PCDH11X: variants seen among roughly 807,000 people sequenced by gnomAD.
PCDH11X encodes protocadherin-11 X-linked.
In PCDH11X, 18 loss-of-function variants were observed where a neutral mutation model predicts 53.3. The observed-to-expected ratio is 0.34, with a 90% confidence interval of 0.23 to 0.50. The LOEUF (loss-of-function observed/expected upper bound fraction) is 0.50. Among genes scored for constraint, PCDH11X ranks in the 20% least tolerant of loss-of-function variants. The pLI is 0.98. For missense variants in PCDH11X, 570 were observed against 1,032.4 expected (o/e 0.55, Z 6.14); for synonymous variants, 279 against 393.3 (o/e 0.71, Z 3.44).
chrX:92,350,518 CT>C (rs2070019024), intron 8 of PCDH11X, among the ~76,000 whole-genome samples: 1 of 111,562 alleles, frequency 9.0e-6, no homozygotes, highest in African/African-American at 3.3e-5. Flanking sequence ...ACCCACCCAG[CT>C]AGGAGTAGGT....
chrX:92,211,787 C>T (rs1464378691), intron 7 of PCDH11X, among the ~76,000 whole-genome samples: 6 of 111,044 alleles, frequency 5.4e-5, no homozygotes, highest in Non-Finnish European at 9.4e-5. Flanking sequence ...AGTCACACAC[C>T]GATTTGAGTT....
chrX:92,062,555 C>G (rs1409524302), intron 6 of PCDH11X, among the ~76,000 whole-genome samples: 1 of 111,599 alleles, frequency 9.0e-6, no homozygotes, highest in East Asian at 2.8e-4. Flanking sequence ...AGACACTTCT[C>G]AAAAGAAGAC....
chrX:91,825,788 GTA>G (rs1280445957), intron 4 of PCDH11X, among the ~76,000 whole-genome samples: 3 of 106,843 alleles, frequency 2.8e-5, no homozygotes. Context: ...AAAATTGTTG[GTA>G]TATATTTGGA....
chrX:92,194,301 A>T (rs961440885), intron 6 of PCDH11X, among the ~76,000 whole-genome samples: 1 of 111,860 alleles, frequency 8.9e-6, no homozygotes, highest in African/African-American at 3.2e-5. Flanking sequence ...TAATTTACTG[A>T]TATTTTCTGA....
chrX:92,226,832 A>C (rs1302713651), intron 7 of PCDH11X, among the ~76,000 whole-genome samples: 1 of 110,925 alleles, frequency 9.0e-6, no homozygotes, highest in African/African-American at 3.3e-5. Flanking sequence ...CCCAATGCTT[A>C]CAATTTTTTG....
At chrX:92,474,075 A>G (rs2148666485) in intron 10 of PCDH11X, among the ~76,000 whole-genome samples, 1 of 110,952 alleles carries the variant, frequency 9.0e-6, no homozygotes, top group East Asian at 2.8e-4. Flanking sequence ...CTATTACTGT[A>G]TTGGGGCCTA....
intron 6 of PCDH11X, among the ~76,000 whole-genome samples, chrX:91,909,671 T>C (rs1941307992): frequency 9.5e-6 from 1 of 104,864 alleles, no homozygotes; most frequent in Non-Finnish European, 2.0e-5. Context: ...AATAAGTAGT[T>C]GAAACTTTCA....
intron 10 of PCDH11X, among the ~76,000 whole-genome samples, chrX:92,591,134 C>T (rs2750624): frequency 1.1e-3 from 123 of 111,633 alleles, no homozygotes; most frequent in African/African-American, 3.9e-3. Context: ...TGCAGCCCAT[C>T]GGGTGGCATC....
intron 6 of PCDH11X, among the ~76,000 whole-genome samples, chrX:92,059,769 C>T (rs1325817421): frequency 1.8e-5 from 2 of 110,746 alleles, no homozygotes; most frequent in African/African-American, 6.5e-5. Flanking sequence ...CCTAGAATTA[C>T]AGTCCTGTAA....
At chrX:92,344,346 C>A (rs1277448728) in intron 8 of PCDH11X, among the ~76,000 whole-genome samples, 1 of 108,499 alleles carries the variant, frequency 9.2e-6, no homozygotes, top group Non-Finnish European at 1.9e-5. Flanking sequence ...ATTTTATAAG[C>A]TAATTAACAA....
At chrX:92,033,403 A>T (rs2063081867) in intron 6 of PCDH11X, among the ~76,000 whole-genome samples, 1 of 98,398 alleles carries the variant, frequency 1.0e-5, no homozygotes, top group Non-Finnish European at 2.0e-5. Context: ...ACTTCATATT[A>T]TTGTTTAGTT....
At chrX:92,077,401 A>G (rs1186958670) in intron 6 of PCDH11X, among the ~76,000 whole-genome samples, 1 of 108,177 alleles carries the variant, frequency 9.2e-6, no homozygotes, top group South Asian at 4.2e-4. Context: ...TAGTATATGC[A>G]AAATTGTTTC....
chrX:91,780,965 G>A (rs1169632412), intron 1 of PCDH11X, among the ~76,000 whole-genome samples: 9 of 111,867 alleles, frequency 8.0e-5, no homozygotes, highest in Non-Finnish European at 1.5e-4. Flanking sequence ...GATTTATTCC[G>A]CGTTCCTCTG....
intron 6 of PCDH11X, among the ~76,000 whole-genome samples, chrX:91,965,996 T>C (rs113878731): frequency 0.017 from 1,894 of 111,322 alleles, 38 homozygotes; most frequent in African/African-American, 0.058. Context: ...TCCCTCTCCT[T>C]GACTGTCTAA....
At chrX:92,518,149 A>G (rs779509417) in intron 10 of PCDH11X, among the ~76,000 whole-genome samples, 1 of 111,457 alleles carries the variant, frequency 9.0e-6, no homozygotes, top group Admixed American at 9.6e-5. Flanking sequence ...TCTCTTTCCT[A>G]TCTGCCCTAA....
chrX:92,035,440 C>G (rs752513862), intron 6 of PCDH11X, among the ~76,000 whole-genome samples: 1 of 107,721 alleles, frequency 9.3e-6, no homozygotes, highest in African/African-American at 3.4e-5. Flanking sequence ...TTTTTTCCTT[C>G]AGCACTTTAA....
chrX:92,066,052 G>T (rs1422883224), intron 6 of PCDH11X, among the ~76,000 whole-genome samples: 1 of 106,959 alleles, frequency 9.3e-6, no homozygotes, highest in Admixed American at 1.0e-4. Context: ...CAGAGATCAA[G>T]TTTCATTCTT....
At chrX:92,239,323 A>G (rs12115891) in intron 7 of PCDH11X, among the ~76,000 whole-genome samples, 5,861 of 111,240 alleles carry the variant, frequency 0.053, 206 homozygotes, top group East Asian at 0.22. Context: ...GGAGTCCACC[A>G]GGCGTAGACT....
chrX:92,487,006 G>A (rs1379941588), intron 10 of PCDH11X, among the ~76,000 whole-genome samples: 1 of 102,185 alleles, frequency 9.8e-6, no homozygotes, highest in African/African-American at 3.6e-5. Context: ...TAACTGACAT[G>A]ACAAATATAT....
Sources: allele counts gnomAD v4.1 joint callset (sites outside exome capture counted in the v4.1 genomes callset), GRCh38; gene constraint gnomAD v4.1.1; transcripts MANE v1.5; gene names NCBI Gene and HGNC (gene_info 2026-07-23, HGNC 2026-07-21).